XAGE5: variants seen among roughly 807,000 people sequenced by gnomAD.
The protein encoded by XAGE5 is G antigen, family D, 5.
A neutral mutation model predicts 13.1 loss-of-function variants in XAGE5; 13 were observed. That is an observed-to-expected ratio of 0.99 (90% CI 0.64 to 1.57). The LOEUF is 1.57. XAGE5 is among the 40% of genes most tolerant of loss of function. The probability of loss-of-function intolerance (pLI) is 0.00; values close to 1 mark genes in which losing one functional copy is unlikely to be tolerated. For synonymous variants in XAGE5, 17 were observed against 25.0 expected (o/e 0.68, Z 0.96); for missense variants, 86 against 77.6 (o/e 1.11, Z -0.41).
chrX:52,812,309 T>C, intron 2 of XAGE5: 5 of 308,120 alleles, frequency 1.6e-5, no homozygotes, highest in Non-Finnish European at 5.7e-6. Context: ...GTTTTGCTCT[T>C]GTTGCCCAGG....
intron 4 of XAGE5, among the ~76,000 whole-genome samples, chrX:52,813,532 A>C (rs1926844922): frequency 9.0e-6 from 1 of 111,566 alleles, no homozygotes; most frequent in African/African-American, 3.3e-5. Context: ...TATAAAATGT[A>C]CATTATTTCA....
In XAGE5 at chrX:52,812,366, C is replaced by T. The variant is rs1422077903; in HGVS notation, c.-8-193C>T. ...TCGGCTGGCTGCAACATTCGCCCCC[C>T]GGTTCAAGTGGTTCTCCTGCCTCAA... On this transcript the variant is annotated intron_variant, in intron 2 of 5. Coordinates refer to ENST00000375501, the MANE Select transcript of XAGE5 (RefSeq NM_001386970.1). The T allele has an allele frequency of 1.9e-4, 69 of 358,434 alleles. No individual in the cohort carries two copies. The East Asian group carries it at 2.7e-3, about 14-fold the overall frequency. The allele number at this position is 358,434 out of a possible 1,213,427, so 29.5% of individuals were successfully genotyped here. A position where few individuals can be genotyped will look rare whatever the true frequency, so the allele number is the denominator to read the frequency against.
intron 4 of XAGE5, chrX:52,814,040 A>G (rs1926855226): frequency 5.4e-6 from 1 of 184,418 alleles, no homozygotes; most frequent in Non-Finnish European, 1.0e-5. Flanking sequence ...ACTGAGGCTC[A>G]GAGATAGAGG....
chrX:52,815,218 G>T lies in XAGE5; in HGVS notation c.304+1G>T. 8.3e-7 allele frequency: 1 copy of T among 1,206,143 alleles called. No individual in the cohort carries two copies. The highest frequency in any genetic ancestry group is 1.1e-6 in the Non-Finnish European group (1 of 893,258). On this transcript the variant is annotated splice_donor_variant, in intron 5 of 5. Coordinates refer to ENST00000375501, the MANE Select transcript of XAGE5 (RefSeq NM_001386970.1). LOFTEE classifies it high-confidence loss of function. ...GAGCAATTTAAAATGCCAGAAGGAG[G>T]TATGTTATCCATTAAGATTAAAAAT...
chrX:52,816,254 T>C (rs782764255), intron 5 of XAGE5, among the ~76,000 whole-genome samples: 17 of 112,391 alleles, frequency 1.5e-4, no homozygotes, highest in Admixed American at 8.5e-4. Flanking sequence ...GACCCAATGA[T>C]TGCATTTGCA....
chrX:52,811,763 C>A (rs1357535209), intron 2 of XAGE5, among the ~76,000 whole-genome samples, 44 bp downstream of exon 2: 1 of 110,454 alleles, frequency 9.1e-6, no homozygotes. Context: ...GGACTGGTGA[C>A]CGCCACCCCA....
In XAGE5 at chrX:52,813,546, G is replaced by C. The variant is rs181998655; in HGVS notation, c.178+301G>C. ...GTATAAAATGTACATTATTTCACCA[G>C]TTTAACTTGATATTCTTAGGATGTT... On this transcript the variant is annotated intron_variant, in intron 4 of 5. Coordinates refer to ENST00000375501, the MANE Select transcript of XAGE5 (RefSeq NM_001386970.1). Among the ~76,000 whole-genome samples the C allele has an allele frequency of 3.6e-5, 4 of 111,750 alleles. No homozygotes were observed. The East Asian group carries it at 8.4e-4, about 23-fold the overall frequency.
intron 5 of XAGE5, among the ~76,000 whole-genome samples, chrX:52,815,486 A>AGAT (rs1405596072): frequency 8.9e-6 from 1 of 112,374 alleles, no homozygotes; most frequent in African/African-American, 3.2e-5. Flanking sequence ...AACAATTTTC[A>AGAT]GATTATTTTG....
intron 5 of XAGE5, among the ~76,000 whole-genome samples, chrX:52,815,928 T>A (rs1241499279): frequency 9.0e-6 from 1 of 111,724 alleles, no homozygotes; most frequent in Non-Finnish European, 1.9e-5. Flanking sequence ...CTTAAACAAC[T>A]ATTGTTTTAT....
intron 5 of XAGE5, among the ~76,000 whole-genome samples, chrX:52,816,251 T>G (rs1350996922): frequency 8.9e-6 from 1 of 112,219 alleles, no homozygotes; most frequent in East Asian, 2.8e-4. Flanking sequence ...CCGGACCCAA[T>G]GATTGCATTT....
At chrX:52,818,159 T>G in intron 5 of XAGE5, 32 bp from the exon 6 acceptor site, 1 of 1,209,431 alleles carries the variant, frequency 8.3e-7, no homozygotes, top group Non-Finnish European at 1.1e-6. Flanking sequence ...GTTCTGCTAG[T>G]AATGTTCCCT....
At chrX:52,815,461 T>G (rs1556778000) in intron 5 of XAGE5, among the ~76,000 whole-genome samples, 1 of 112,252 alleles carries the variant, frequency 8.9e-6, no homozygotes, top group African/African-American at 3.2e-5. Flanking sequence ...TTACTTCTGA[T>G]TATAACCAAC....
At chrX:52,815,969 T>G (rs1556778070) in intron 5 of XAGE5, among the ~76,000 whole-genome samples, 1 of 112,028 alleles carries the variant, frequency 8.9e-6, no homozygotes, top group Admixed American at 9.5e-5. Context: ...TTTGTTTTTT[T>G]CGGACGAGGT....
chrX:52,812,992 G>C (rs781923451), intron 3 of XAGE5, 148 bp from the exon 4 acceptor site: 38 of 504,382 alleles, frequency 7.5e-5, no homozygotes, highest in Non-Finnish European at 1.2e-4. Flanking sequence ...ATGTGGAATC[G>C]TTTTGGGATA....
chrX:52,811,796 A>G (rs1259106117), intron 2 of XAGE5, among the ~76,000 whole-genome samples, 77 bp downstream of exon 2: 2 of 110,700 alleles, frequency 1.8e-5, no homozygotes, highest in African/African-American at 6.6e-5. Context: ...CGAACCGCAG[A>G]GGTGCCCGCC....
chrX:52,814,790 T>C (rs1242119581), intron 4 of XAGE5: 1 of 241,103 alleles, frequency 4.1e-6, no homozygotes, highest in Non-Finnish European at 7.4e-6. Context: ...TACATTGATC[T>C]AATCCTTCAG....
intron 5 of XAGE5, among the ~76,000 whole-genome samples, chrX:52,817,201 T>C (rs1289175515): frequency 8.9e-6 from 1 of 112,158 alleles, no homozygotes; most frequent in Non-Finnish European, 1.9e-5. Flanking sequence ...TAGGGATGCC[T>C]ACATTATTTA....
Position 52,815,125 on chromosome X carries a change from CTCAG to C in XAGE5, c.216_219del (p.Ser73ArgfsTer54). The C allele has an allele frequency of 8.3e-7, 1 of 1,211,460 alleles. No individual in the cohort carries two copies. The highest frequency in any genetic ancestry group is 3.0e-5 in the East Asian group (1 of 33,862). On this transcript the variant is annotated frameshift_variant, in exon 5 of 6. Transcript: ENST00000375501. LOFTEE classifies it high-confidence loss of function. ...CTGGAAGCTGATCTCCAGGAGCTGT[CTCAG>C]TCAAAGACTGGGGATGAATGCGGAG...
rs1459724798 is a variant in XAGE5 at position 52,815,212 on chromosome X, A to G, written c.299A>G (p.Glu100Gly). The change falls in exon 5 of 6, where the codon GAA becomes GGA. Residue 100 changes from glutamate (E) to glycine (G), a missense_variant. Coordinates refer to ENST00000375501, the MANE Select transcript of XAGE5 (RefSeq NM_001386970.1). ...LPKSEQFKMP[E>G]GGEGKPQL ...AAATCAGAGCAATTTAAAATGCCAGAAGGAGGTATGTTATCCATTAAGATT... is the reference window on the plus strand; with the variant it reads ...AAATCAGAGCAATTTAAAATGCCAGGAGGAGGTATGTTATCCATTAAGATT... 8.3e-7 allele frequency: 1 copy of G among 1,209,270 alleles called. No individual in the cohort carries two copies. Among genetic ancestry groups the G allele is most frequent in the Non-Finnish European group, 1.1e-6 (1 of 894,318 alleles).
Sources: allele counts gnomAD v4.1 joint callset (sites outside exome capture counted in the v4.1 genomes callset), GRCh38; gene constraint gnomAD v4.1.1; transcripts MANE v1.5; gene names NCBI Gene and HGNC (gene_info 2026-07-23, HGNC 2026-07-21).